Variants in MACROD2 observed in about 807,000 individuals in gnomAD.
MACROD2 encodes the protein mono-ADP ribosylhydrolase 2, also known as ADP-ribose glycohydrolase MACROD2.
A neutral mutation model predicts 70.4 loss-of-function variants in MACROD2; 36 were observed. That is an observed-to-expected ratio of 0.51 (90% CI 0.39 to 0.68). MACROD2 has a LOEUF of 0.68. MACROD2 is among the 30% of genes least tolerant of loss of function. The pLI, the probability that MACROD2 is intolerant of heterozygous loss-of-function variation, is 0.00. For missense variants in MACROD2, 496 were observed against 538.4 expected, an observed-to-expected ratio of 0.92 and a Z score of 0.78; for synonymous variants, 172 against 178.8, an observed-to-expected ratio of 0.96 and a Z score of 0.30.
At chr20:15,556,456 A>T (rs1174076502) in intron 8 of MACROD2, among the ~76,000 whole-genome samples, 1 of 152,062 alleles carries the variant, frequency 6.6e-6, no homozygotes, top group Non-Finnish European at 1.5e-5. Context: ...CTGTGTATTC[A>T]TGGTGCCCAG....
At chr20:14,630,330 A>G (rs1365787981) in intron 4 of MACROD2, among the ~76,000 whole-genome samples, 3 of 152,362 alleles carry the variant, frequency 2.0e-5, no homozygotes, top group East Asian at 3.9e-4. Context: ...ACCGATTTCT[A>G]TAACTTAGGC....
chr20:15,176,619 C>T (rs751629871), intron 5 of MACROD2, among the ~76,000 whole-genome samples: 1 of 152,110 alleles, frequency 6.6e-6, no homozygotes, highest in African/African-American at 2.4e-5. Context: ...CTCCTGAGGG[C>T]TGTTCTGTCA....
At chr20:14,819,534 A>G (rs2122202823) in intron 5 of MACROD2, among the ~76,000 whole-genome samples, 1 of 152,154 alleles carries the variant, frequency 6.6e-6, no homozygotes, top group Non-Finnish European at 1.5e-5. Flanking sequence ...CCTTCCCCTC[A>G]TACAGCTTAC....
At chr20:14,786,016 A>T (rs1262531469) in intron 5 of MACROD2, among the ~76,000 whole-genome samples, 1 of 152,100 alleles carries the variant, frequency 6.6e-6, no homozygotes, top group Non-Finnish European at 1.5e-5. Flanking sequence ...GAAAATGCAT[A>T]TTATAAAAAG....
chr20:15,376,687 G>A (rs1449014244), intron 6 of MACROD2, among the ~76,000 whole-genome samples: 1 of 152,108 alleles, frequency 6.6e-6, no homozygotes, highest in Non-Finnish European at 1.5e-5. Context: ...ATTATAAAAT[G>A]TTAATGCTGG....
intron 3 of MACROD2, among the ~76,000 whole-genome samples, chr20:14,401,687 T>C (rs2083639393): frequency 6.6e-6 from 1 of 152,190 alleles, no homozygotes; most frequent in South Asian, 2.1e-4. Context: ...CACTGATGGA[T>C]GTCATTGTGA....
At chr20:14,497,765 TA>T (rs951042975) in intron 4 of MACROD2, among the ~76,000 whole-genome samples, 1 of 151,908 alleles carries the variant, frequency 6.6e-6, no homozygotes, top group African/African-American at 2.4e-5. Context: ...TACACAGAGA[TA>T]AAAAATAAAT....
intron 5 of MACROD2, among the ~76,000 whole-genome samples, chr20:14,942,530 G>A (rs946207745): frequency 4.6e-5 from 7 of 152,122 alleles, no homozygotes; most frequent in East Asian, 3.9e-4. Flanking sequence ...CAGAATTTGC[G>A]GTCAGCAAGA....
intron 5 of MACROD2, among the ~76,000 whole-genome samples, chr20:15,104,958 T>C (rs1178361827): frequency 1.3e-5 from 2 of 152,164 alleles, no homozygotes; most frequent in African/African-American, 4.8e-5. Context: ...TACTATTCTT[T>C]TCCTTCTTAA....
chr20:14,896,764 G>T (rs1289494051), intron 5 of MACROD2, among the ~76,000 whole-genome samples: 2 of 152,130 alleles, frequency 1.3e-5, no homozygotes, highest in Non-Finnish European at 2.9e-5. Context: ...GAAAATGACA[G>T]ATGGCATATG....
chr20:15,070,949 G>T (rs111762289), intron 5 of MACROD2, among the ~76,000 whole-genome samples: 1 of 149,418 alleles, frequency 6.7e-6, no homozygotes, highest in African/African-American at 2.5e-5. Context: ...AAATTATTAC[G>T]AATAGCAAAA....
At chr20:16,006,699 A>G (rs550426130) in intron 15 of MACROD2, among the ~76,000 whole-genome samples, 68 of 152,002 alleles carry the variant, frequency 4.5e-4, no homozygotes, top group Non-Finnish European at 9.3e-4. Flanking sequence ...GGTGATGTGT[A>G]TTTTCCCCAT....
chr20:15,266,294 A>ATGGG (rs1341426665), intron 6 of MACROD2, among the ~76,000 whole-genome samples: 4 of 152,208 alleles, frequency 2.6e-5, no homozygotes, highest in Non-Finnish European at 4.4e-5. Flanking sequence ...GAAAAGATAC[A>ATGGG]AGTTTTCTTC....
intron 6 of MACROD2, among the ~76,000 whole-genome samples, chr20:15,428,098 T>A (rs1374268158): frequency 6.6e-6 from 1 of 151,876 alleles, no homozygotes; most frequent in African/African-American, 2.4e-5. Flanking sequence ...ATGCCAGGAG[T>A]CATCACTAAT....
Position 14,134,801 on chromosome 20 carries a change from C to CAAAA in MACROD2, c.271+49091_271+49094dup, listed in dbSNP as rs5840594. ...GCCTGGCGACAGTGAGACTCCGTGT[C>CAAAA]AAAAAAAAAAAAAAAAAAAAACAGC... On this transcript the variant is annotated intron_variant, in intron 3 of 17. Transcript: ENST00000684519. Among the ~76,000 whole-genome samples, 820 of 97,572 alleles carry CAAAA rather than the reference C, an allele frequency of 8.4e-3. 37 individuals are homozygous for CAAAA. The highest frequency in any genetic ancestry group is 0.021 in the Admixed American group (152 of 7,328). 64.0% of individuals were successfully genotyped at this position (97,572 alleles called of 152,430 possible).
At chr20:15,257,372 G>A (rs1442888183) in intron 6 of MACROD2, among the ~76,000 whole-genome samples, 4 of 151,928 alleles carry the variant, frequency 2.6e-5, no homozygotes, top group African/African-American at 7.3e-5. Context: ...AATTGAATTC[G>A]GCAACCTACA....
At chr20:14,861,547 A>T (rs1052078351) in intron 5 of MACROD2, among the ~76,000 whole-genome samples, 1 of 151,940 alleles carries the variant, frequency 6.6e-6, no homozygotes, top group Non-Finnish European at 1.5e-5. Context: ...AAGCCAGACT[A>T]TGAGGGAGCT....
chr20:15,118,246 G>A (rs2076005955), intron 5 of MACROD2, among the ~76,000 whole-genome samples: 1 of 148,730 alleles, frequency 6.7e-6, no homozygotes, highest in Non-Finnish European at 1.5e-5. Flanking sequence ...AGGCTGGAGT[G>A]CAGTGTTGTG....
At chr20:14,266,772 A>G (rs954066633) in intron 3 of MACROD2, among the ~76,000 whole-genome samples, 13 of 152,200 alleles carry the variant, frequency 8.5e-5, no homozygotes, top group African/African-American at 2.9e-4. Flanking sequence ...ATGTATATGT[A>G]TTTGTATTTG....
Sources: allele counts gnomAD v4.1 joint callset (sites outside exome capture counted in the v4.1 genomes callset), GRCh38; gene constraint gnomAD v4.1.1; transcripts MANE v1.5; gene names NCBI Gene and HGNC (gene_info 2026-07-23, HGNC 2026-07-21).